PDZD2: variants seen among roughly 807,000 people sequenced by gnomAD.
PDZD2 encodes PDZ domain-containing protein 2.
In PDZD2, 90 loss-of-function variants were observed where a neutral mutation model predicts 220.7. That is an observed-to-expected ratio of 0.41 (90% CI 0.34 to 0.49). PDZD2 has a LOEUF of 0.49. PDZD2 is among the 20% of genes least tolerant of loss of function. The pLI, the probability that PDZD2 is intolerant of heterozygous loss-of-function variation, is 0.28. For synonymous variants in PDZD2, 1,375 were observed against 1,450.5 expected (o/e 0.95, Z 1.18); for missense variants, 3,174 against 3,608.5 (o/e 0.88, Z 3.08).
chr5:31,896,425 G>A (rs897647201), intron 2 of PDZD2, among the ~76,000 whole-genome samples: 7 of 150,334 alleles, frequency 4.7e-5, no homozygotes, highest in Admixed American at 4.0e-4. Flanking sequence ...CTAGGTCTTG[G>A]GCTCACCCAC....
At chr5:31,865,290 TTTG>T (rs894392555) in intron 2 of PDZD2, among the ~76,000 whole-genome samples, 8 of 152,048 alleles carry the variant, frequency 5.3e-5, no homozygotes, top group African/African-American at 1.7e-4. Flanking sequence ...GCAACTCTTT[TTTG>T]TTGTTGTTTT....
intron 6 of PDZD2, among the ~76,000 whole-genome samples, chr5:32,030,414 A>G (rs1328655865): frequency 6.6e-6 from 1 of 152,146 alleles, no homozygotes; most frequent in Non-Finnish European, 1.5e-5. Context: ...ATCACGTGGC[A>G]TTGCTTTCTC....
intron 12 of PDZD2, among the ~76,000 whole-genome samples, chr5:32,058,542 C>T (rs142071216): frequency 1.2e-4 from 18 of 151,596 alleles, no homozygotes; most frequent in Non-Finnish European, 2.4e-4. Context: ...GGCGTGGTGG[C>T]AAGCGCCTGT....
At chr5:31,645,274 G>A (rs1010660725) in intron 1 of PDZD2, among the ~76,000 whole-genome samples, 1 of 151,676 alleles carries the variant, frequency 6.6e-6, no homozygotes, top group Non-Finnish European at 1.5e-5. Flanking sequence ...CCCCAGACTG[G>A]TTCTTTGAGG....
Position 32,057,865 on chromosome 5 carries a change from A to G in PDZD2, c.1975-13A>G. 1 of 1,594,070 alleles carries G rather than the reference A, an allele frequency of 6.3e-7. No individual in the cohort carries two copies. The highest frequency in any genetic ancestry group is 8.6e-7 in the Non-Finnish European group (1 of 1,163,928). On this transcript the variant is annotated splice_polypyrimidine_tract_variant and intron_variant, in intron 11 of 24. Transcript: ENST00000438447. ...CAAATGTTTCAGCCCACCTTTCCTC[A>G]CTGTTTTCTCAGCAAATCCGGAGTG...
In PDZD2 at chr5:31,841,191, TTC is replaced by T. The variant is rs75380067; in HGVS notation, c.476+41471_476+41472del. On this transcript the variant is annotated intron_variant, in intron 2 of 24. Coordinates refer to ENST00000438447, the MANE Select transcript of PDZD2 (RefSeq NM_178140.4). ...TATCTGGTCTATTTTGTCCTGAACT[TTC>T]TCTGTGCACATGTGTACACACACAC... Among the ~76,000 whole-genome samples, 4 of 147,488 alleles carry T rather than the reference TTC, an allele frequency of 2.7e-5. No individual in the cohort carries two copies. The East Asian group carries it at 7.9e-4, about 29-fold the overall frequency.
At chr5:31,772,117 C>T (rs1430193361) in intron 1 of PDZD2, among the ~76,000 whole-genome samples, 1 of 152,056 alleles carries the variant, frequency 6.6e-6, no homozygotes, top group Non-Finnish European at 1.5e-5. Flanking sequence ...GTTCTTTGTC[C>T]TCCATTTTGA....
intron 14 of PDZD2, among the ~76,000 whole-genome samples, chr5:32,068,498 G>A (rs760238304): frequency 5.3e-5 from 8 of 152,174 alleles, no homozygotes; most frequent in African/African-American, 1.7e-4. Flanking sequence ...TGATGAAGCC[G>A]TATGCTAATT....
Position 32,088,902 on chromosome 5 carries a change from C to G in PDZD2, c.5454C>G (p.Thr1818=), listed in dbSNP as rs766516739. ...AAGGCACACATTTGAGGAGCAAAAC[C>G]GAGAAGGAACAACCTCTAATGCCTG... ...HNQGTHLRSK[T]EKEQPLMPAR... The change falls in exon 20 of 25, where the codon ACC becomes ACG. Residue 1818 remains threonine, a synonymous_variant. Coordinates refer to ENST00000438447, the MANE Select transcript of PDZD2 (RefSeq NM_178140.4). This position sits in a 1 kb window ranked among gnomAD's most constrained non-coding sequence, Gnocchi z 4.6. 6.2e-7 allele frequency: 1 copy of G among 1,613,800 alleles called. No homozygotes were observed. Among genetic ancestry groups the G allele is most frequent in the Non-Finnish European group, 8.5e-7 (1 of 1,179,918 alleles).
At chr5:31,708,349 C>T (rs1313119020) in intron 1 of PDZD2, among the ~76,000 whole-genome samples, 2 of 152,186 alleles carry the variant, frequency 1.3e-5, no homozygotes, top group Non-Finnish European at 2.9e-5. Context: ...ATAAATGGCC[C>T]ATGGGAAACC....
At chr5:32,091,279 CT>C (rs57254389) in intron 20 of PDZD2, 104 bp downstream of exon 20, 45,989 of 260,518 alleles carry the variant, frequency 0.18, 295 homozygotes, top group East Asian at 0.22. Flanking sequence ...TTCCCACTTA[CT>C]TTTTTTTTTT....
At chr5:31,950,227 G>A (rs553085885) in intron 2 of PDZD2, among the ~76,000 whole-genome samples, 2 of 152,190 alleles carry the variant, frequency 1.3e-5, no homozygotes, top group East Asian at 1.9e-4. Context: ...TCTGATCCAC[G>A]AGCCTGGGCC....
intron 23 of PDZD2, chr5:32,099,395 G>A (rs1744044427): frequency 6.6e-6 from 1 of 152,292 alleles, no homozygotes; most frequent in South Asian, 2.1e-4. Flanking sequence ...AAGGGTAGCT[G>A]GATTCCTTTC....
intron 6 of PDZD2, 38 bp from the exon 7 acceptor site, chr5:32,037,193 T>A (rs766801163): frequency 1.5e-6 from 2 of 1,319,930 alleles, no homozygotes; most frequent in Non-Finnish European, 2.2e-6. Context: ...ATCGCAGGGC[T>A]GGGCTCTCCC....
At chr5:31,840,845 C>T in intron 2 of PDZD2, 2 of 729,896 alleles carry the variant, frequency 2.7e-6, no homozygotes, top group East Asian at 2.5e-5. Flanking sequence ...TACCCATTCC[C>T]TTGATGTCTA....
Position 31,639,261 on chromosome 5 carries a change from G to T in PDZD2, c.-537G>T, listed in dbSNP as rs1460658046. On this transcript the variant is annotated 5_prime_UTR_variant, in exon 1 of 25. Transcript: ENST00000438447. This position sits in a 1 kb window ranked among gnomAD's most constrained non-coding sequence, Gnocchi z 4.1. ...CGAGGAGCCGCAGGCCGAACCCAAGGCACCGGGATTGCGCCTCCCGCGGCT... is the reference window on the plus strand; with the variant it reads ...CGAGGAGCCGCAGGCCGAACCCAAGTCACCGGGATTGCGCCTCCCGCGGCT... 2 of 150,918 alleles carry T rather than the reference G, an allele frequency of 1.3e-5. No individual in the cohort carries two copies. Among genetic ancestry groups the T allele is most frequent in the African/African-American group, 4.8e-5 (2 of 41,298 alleles). 9.3% of individuals were successfully genotyped at this position (150,918 alleles called of 1,614,324 possible).
At chr5:31,784,021 A>G (rs1753221595) in intron 1 of PDZD2, among the ~76,000 whole-genome samples, 1 of 152,180 alleles carries the variant, frequency 6.6e-6, no homozygotes, top group Non-Finnish European at 1.5e-5. Context: ...ACAGGGCCTC[A>G]GGGCTCTGGG....
chr5:32,040,782 GCCA>G (rs1756041192), intron 7 of PDZD2, among the ~76,000 whole-genome samples: 37 of 141,778 alleles, frequency 2.6e-4, no homozygotes, highest in East Asian at 6.8e-4. Context: ...CTGCCCGGCC[GCCA>G]CCCCGTCTGG....
At chr5:31,991,410 G>T (rs1751200168) in intron 3 of PDZD2, among the ~76,000 whole-genome samples, 1 of 152,182 alleles carries the variant, frequency 6.6e-6, no homozygotes, top group Non-Finnish European at 1.5e-5. Context: ...TCGTGGTTCA[G>T]ATGTGGGAGA....
Sources: allele counts gnomAD v4.1 joint callset (sites outside exome capture counted in the v4.1 genomes callset), GRCh38; gene constraint gnomAD v4.1.1; non-coding constraint Gnocchi (gnomAD v3.1); transcripts MANE v1.5; gene names NCBI Gene and HGNC (gene_info 2026-07-23, HGNC 2026-07-21).